Variants in SLC24A1 observed in about 807,000 individuals in gnomAD.
SLC24A1 encodes sodium/potassium/calcium exchanger 1.
SLC24A1 carries 52 observed loss-of-function variants against 88.1 expected under a neutral mutation model. That is an observed-to-expected ratio of 0.59 (90% CI 0.47 to 0.74). SLC24A1 has a LOEUF of 0.74. Among genes scored for constraint, SLC24A1 ranks in the 30% least tolerant of loss-of-function variants. The probability of loss-of-function intolerance (pLI) is 0.00; values close to 1 mark genes in which losing one functional copy is unlikely to be tolerated. For synonymous variants in SLC24A1, 455 were observed against 498.0 expected (o/e 0.91, Z 1.15); for missense variants, 1,173 against 1,363.3 (o/e 0.86, Z 2.20).
Position 65,651,657 on chromosome 15 carries a change from A to C in SLC24A1, c.2794-13A>C. 1 of 1,477,880 alleles carries C rather than the reference A, an allele frequency of 6.8e-7. No homozygotes were observed. Among genetic ancestry groups the C allele is most frequent in the Non-Finnish European group, 9.5e-7 (1 of 1,057,854 alleles). 91.5% of individuals were successfully genotyped at this position (1,477,880 alleles called of 1,614,324 possible). ...TACAGCTTACTTCTTGTCCTTTTCA[A>C]ACTTTCAAACAGGAGTCTAGGAAGT... is the stretch of plus-strand genomic sequence containing the variant. On this transcript the variant is annotated splice_polypyrimidine_tract_variant and intron_variant, in intron 7 of 9. Coordinates refer to ENST00000261892, the MANE Select transcript of SLC24A1 (RefSeq NM_004727.3).
Position 65,651,677 on chromosome 15 carries a change from G to C in SLC24A1, c.2801G>C (p.Arg934Thr), listed in dbSNP as rs770213410. The change falls in exon 8 of 10, where the codon AGG becomes ACG. Residue 934 changes from arginine (R) to threonine (T), a missense_variant. Coordinates refer to ENST00000261892, the MANE Select transcript of SLC24A1 (RefSeq NM_004727.3). ...TTTCAAACTTTCAAACAGGAGTCTA[G>C]GAAGTTTTTTGTTTTCACCTTCCTG... ...TVPDVRRQESRKFFVFTFLGS... is the reference protein window; with the variant it reads ...TVPDVRRQESTKFFVFTFLGS... 1 of 1,587,308 alleles carries C rather than the reference G, an allele frequency of 6.3e-7. No homozygotes were observed.
At chr15:65,641,015 T>C (rs2075108518) in intron 4 of SLC24A1, among the ~76,000 whole-genome samples, 1 of 150,986 alleles carries the variant, frequency 6.6e-6, no homozygotes, top group African/African-American at 2.4e-5. Flanking sequence ...GAGCCGAGAT[T>C]GCACCGCTGC....
In SLC24A1 at chr15:65,624,527, AAC is replaced by A. The variant is rs1316238657; in HGVS notation, c.450_451del (p.Leu151AspfsTer44). 1 of 1,603,434 alleles carries A rather than the reference AAC, an allele frequency of 6.2e-7. No homozygotes were observed. The highest frequency in any genetic ancestry group is 8.5e-7 in the Non-Finnish European group (1 of 1,174,632). On this transcript the variant is annotated frameshift_variant, in exon 2 of 10. Coordinates refer to ENST00000261892, the MANE Select transcript of SLC24A1 (RefSeq NM_004727.3). LOFTEE classifies it high-confidence loss of function. ...RKEDTPTSSR[T>X]LTYYTSTSSR... ...AGGAAGACACCCCAACATCCAGTAGAACACTGACTTACTACACCTCAACTTCA... is the reference window on the plus strand; with the variant it reads ...AGGAAGACACCCCAACATCCAGTAGAACTGACTTACTACACCTCAACTTCA...
intron 2 of SLC24A1, among the ~76,000 whole-genome samples, chr15:65,626,914 C>T (rs2074540334): frequency 6.6e-6 from 1 of 152,146 alleles, no homozygotes; most frequent in Non-Finnish European, 1.5e-5. Flanking sequence ...CCCCACTTCT[C>T]TCCTGCTCCT....
intron 2 of SLC24A1, among the ~76,000 whole-genome samples, chr15:65,635,446 C>CAAAAAAAAA (rs56960432): frequency 1.9e-4 from 11 of 58,342 alleles, no homozygotes; most frequent in Middle Eastern, 0.017. Flanking sequence ...ACTCCGTCTC[C>CAAAAAAAAA]AAAAAAAAAA....
downstream of SLC24A1, chr15:65,656,318 C>G (rs1387026983): frequency 2.2e-6 from 2 of 902,596 alleles, no homozygotes. Context: ...AAAGGAAGTT[C>G]TGATCACTTT....
chr15:65,651,015 C>T, intron 7 of SLC24A1, 73 bp downstream of exon 7: 2 of 1,318,756 alleles, frequency 1.5e-6, no homozygotes, highest in Non-Finnish European at 2.2e-6. Context: ...ATGCGGGGCT[C>T]ACACTCAAGA....
At chr15:65,638,034 G>T (rs1321376276) in intron 2 of SLC24A1, 94 bp from the exon 3 acceptor site, 4 of 826,440 alleles carry the variant, frequency 4.8e-6, no homozygotes, top group Non-Finnish European at 8.2e-6. Flanking sequence ...GTGTGTTTCT[G>T]TATTTCAACC....
At chr15:65,635,525 T>A (rs2074902981) in intron 2 of SLC24A1, among the ~76,000 whole-genome samples, 1 of 149,140 alleles carries the variant, frequency 6.7e-6, no homozygotes, top group South Asian at 2.1e-4. Flanking sequence ...AATAGTGAGA[T>A]GGCTGGGCCA....
chr15:65,650,963 C>A lies in SLC24A1; in HGVS notation c.2793+21C>A, dbSNP rs552744452. 1.9e-6 allele frequency: 3 copies of A among 1,605,502 alleles called. No individual in the cohort carries two copies. Among genetic ancestry groups the A allele is most frequent in the South Asian group, 1.1e-5 (1 of 90,886 alleles). On this transcript the variant is annotated intron_variant, in intron 7 of 9. Coordinates refer to ENST00000261892, the MANE Select transcript of SLC24A1 (RefSeq NM_004727.3). This position sits in a 1 kb window ranked among gnomAD's most constrained non-coding sequence, Gnocchi z 4.1. The stretch of plus-strand genomic sequence containing the variant: ...GGCAGGTGAGTGTGCCCATCTGTAT[C>A]TCAGACTCTTTATCCCCAGCAGGGC...
At chr15:65,657,368 G>A (rs1403350255), downstream of SLC24A1, among the ~76,000 whole-genome samples, 5 of 152,278 alleles carry the variant, frequency 3.3e-5, no homozygotes, top group East Asian at 1.9e-4. Context: ...AGGGCCGGGC[G>A]CGGTGGCTCA....
chr15:65,655,525 G>A lies in SLC24A1; in HGVS notation c.*1446G>A. On this transcript the variant is annotated 3_prime_UTR_variant, in exon 10 of 10. Transcript: ENST00000261892. ...GTTTGTATATTAAATACCACTGCTTGCTGCTTTTACTAGAATCAAGTTAAG... is the reference window on the plus strand; with the variant it reads ...GTTTGTATATTAAATACCACTGCTTACTGCTTTTACTAGAATCAAGTTAAG... The A allele has an allele frequency of 1.0e-6, 1 of 985,382 alleles. No individual in the cohort carries two copies. Among genetic ancestry groups the A allele is most frequent in the Non-Finnish European group, 1.2e-6 (1 of 829,908 alleles). 61.0% of individuals were successfully genotyped at this position (985,382 alleles called of 1,614,324 possible).
chr15:65,645,816 G>A (rs2075284243), intron 6 of SLC24A1, 113 bp downstream of exon 6: 1 of 692,034 alleles, frequency 1.4e-6, no homozygotes, highest in South Asian at 1.9e-5. Context: ...TCATTCCTCT[G>A]GGGGTAAATA....
upstream of SLC24A1, among the ~76,000 whole-genome samples, chr15:65,620,286 G>A (rs1331638488): frequency 6.6e-6 from 1 of 151,994 alleles, no homozygotes; most frequent in Non-Finnish European, 1.5e-5. Context: ...ACGGTAGAGT[G>A]TTGTAACAAT....
upstream of SLC24A1, among the ~76,000 whole-genome samples, chr15:65,619,222 G>A (rs955512841): frequency 2.6e-5 from 4 of 152,208 alleles, no homozygotes; most frequent in Admixed American, 1.3e-4. Context: ...AAGGAAGCTT[G>A]TCTTTCCTGG....
chr15:65,619,194 C>T (rs1030576306), upstream of SLC24A1, among the ~76,000 whole-genome samples: 3 of 152,216 alleles, frequency 2.0e-5, no homozygotes, highest in Non-Finnish European at 4.4e-5. Flanking sequence ...CTCACTGTTA[C>T]TCTAACAGCA....
intron 1 of SLC24A1, among the ~76,000 whole-genome samples, chr15:65,623,264 A>G (rs2074381397): frequency 6.6e-6 from 1 of 152,090 alleles, no homozygotes; most frequent in Non-Finnish European, 1.5e-5. Context: ...AACAATATAT[A>G]TGTTATCATG....
At chr15:65,641,478 A>G (rs1324474526) in intron 4 of SLC24A1, among the ~76,000 whole-genome samples, 1 of 152,222 alleles carries the variant, frequency 6.6e-6, no homozygotes, top group Non-Finnish European at 1.5e-5. Context: ...AGAGAGAGAG[A>G]AAGGGAGAAA....
intron 5 of SLC24A1, among the ~76,000 whole-genome samples, chr15:65,645,214 C>T (rs925593217): frequency 6.6e-6 from 1 of 152,340 alleles, no homozygotes. Flanking sequence ...TTTCCCTTCC[C>T]GTCAGTCCTG....
Sources: allele counts gnomAD v4.1 joint callset (sites outside exome capture counted in the v4.1 genomes callset), GRCh38; gene constraint gnomAD v4.1.1; non-coding constraint Gnocchi (gnomAD v3.1); transcripts MANE v1.5; gene names NCBI Gene and HGNC (gene_info 2026-07-23, HGNC 2026-07-21).